Variants in PIGG observed in about 807,000 individuals in gnomAD.
PIGG encodes the protein phosphatidylinositol glycan anchor biosynthesis class G (EMM blood group).
A neutral mutation model predicts 83.2 loss-of-function variants in PIGG; 70 were observed. That is an observed-to-expected ratio of 0.84 (90% CI 0.69 to 1.03). The LOEUF (loss-of-function observed/expected upper bound fraction) is 1.03. PIGG is among the 50% of genes least tolerant of loss of function. PIGG has a pLI of 0.00. For synonymous variants in PIGG, 532 were observed against 519.5 expected, an observed-to-expected ratio of 1.02 and a Z score of -0.33; for missense variants, 1,257 against 1,233.6, an observed-to-expected ratio of 1.02 and a Z score of -0.28.
At chr4:506,631 C>T (rs1719808153) in intron 3 of PIGG, 1 of 370,972 alleles carries the variant, frequency 2.7e-6, no homozygotes. Context: ...CTGAGAAACA[C>T]TTCTCTTCAT....
chr4:515,079 G>A lies in PIGG; in HGVS notation c.902-894G>A, dbSNP rs537222781. Among the ~76,000 whole-genome samples the A allele has an allele frequency of 4.6e-5, 7 of 152,178 alleles. No homozygotes were observed. The highest frequency in any genetic ancestry group is 6.5e-5 in the Admixed American group (1 of 15,278). On this transcript the variant is annotated intron_variant, in intron 5 of 12. Coordinates refer to ENST00000453061, the MANE Select transcript of PIGG (RefSeq NM_001127178.3). The surrounding 1 kb of genome is among the most constrained non-coding windows in gnomAD (Gnocchi z 4.2). ...ATAAATTTGACCAAATTAAAAACTC[G>A]CTACAAAAAACTTACCACAATCAAA...
At chr4:519,497 C>G (rs570179481) in intron 6 of PIGG, among the ~76,000 whole-genome samples, 39 of 152,346 alleles carry the variant, frequency 2.6e-4, no homozygotes, top group African/African-American at 9.1e-4. Flanking sequence ...GCCTGAGTTT[C>G]ATTTGCAGCT....
At chr4:519,767 T>C (rs528066025) in intron 6 of PIGG, among the ~76,000 whole-genome samples, 1,183 of 107,774 alleles carry the variant, frequency 0.011, 29 homozygotes, top group African/African-American at 0.042. Context: ...TGCAGGCGTG[T>C]GGGTTCACGC....
intron 12 of PIGG, among the ~76,000 whole-genome samples, chr4:538,692 C>G (rs534466625): frequency 8.5e-5 from 13 of 152,178 alleles, no homozygotes; most frequent in Non-Finnish European, 1.9e-4. Context: ...CTCTGCCCAC[C>G]CCAGACCAAC....
intron 2 of PIGG, chr4:501,208 C>A (rs1272435705): frequency 2.2e-6 from 1 of 453,428 alleles, no homozygotes; most frequent in South Asian, 1.6e-5. Flanking sequence ...TTTTGAGCAA[C>A]GACTATGTGG....
At chr4:512,318 C>G (rs182235492) in intron 5 of PIGG, among the ~76,000 whole-genome samples, 1,922 of 148,712 alleles carry the variant, frequency 0.013, 169 homozygotes, top group Admixed American at 0.12. Context: ...CTCCCGGGTT[C>G]AAGCTATTCT....
intron 5 of PIGG, among the ~76,000 whole-genome samples, chr4:514,443 C>T (rs1164190563): frequency 2.0e-5 from 3 of 152,150 alleles, no homozygotes; most frequent in Non-Finnish European, 2.9e-5. Flanking sequence ...CTGTAGGTCC[C>T]CAGCCCCAAA....
Position 505,700 on chromosome 4 carries a change from TG to T in PIGG, c.361-17del. On this transcript the variant is annotated splice_polypyrimidine_tract_variant and intron_variant, in intron 2 of 12. Transcript: ENST00000453061. ...GTTTTGGATTCAGTGGCCTAATTCT[TG>T]CATTTTCTGACTGCAGGCATTGATG... 6.2e-7 allele frequency: 1 copy of T among 1,603,424 alleles called. No individual in the cohort carries two copies. Among genetic ancestry groups the T allele is most frequent in the Non-Finnish European group, 8.5e-7 (1 of 1,171,660 alleles).
chr4:506,364 A>G (rs1553879256), intron 3 of PIGG, among the ~76,000 whole-genome samples: 1 of 152,140 alleles, frequency 6.6e-6, no homozygotes, highest in Non-Finnish European at 1.5e-5. Flanking sequence ...CAGGTGGCCG[A>G]CTGGGTGGGG....
chr4:537,107 G>A lies in PIGG; in HGVS notation c.2736-2046G>A, dbSNP rs181648684. The A allele has an allele frequency of 1.6e-3, 238 of 152,282 alleles. 1 individual carries two copies. The highest frequency in any genetic ancestry group is 5.5e-3 in the African/African-American group (227 of 41,548). 9.4% of individuals were successfully genotyped at this position (152,282 alleles called of 1,614,324 possible). On this transcript the variant is annotated intron_variant, in intron 12 of 12. Transcript: ENST00000453061. ...AGAAGCATTTCTCCTTCATTTTATA[G>A]GGTTTTCTTCTTCCCTTTTAAAAGT...
intron 11 of PIGG, chr4:530,998 A>C: frequency 2.0e-6 from 1 of 490,632 alleles, no homozygotes; most frequent in East Asian, 3.4e-5. Flanking sequence ...TTTATTTATT[A>C]CAAGCAGTTC....
chr4:526,392 G>C (rs905513931), intron 9 of PIGG, among the ~76,000 whole-genome samples: 1 of 152,250 alleles, frequency 6.6e-6, no homozygotes, highest in African/African-American at 2.4e-5. Flanking sequence ...GGCCAGGACT[G>C]GCTGGTGCTG....
At chr4:521,996 T>C (rs972384843) in intron 8 of PIGG, 55 bp downstream of exon 8, 1 of 1,586,734 alleles carries the variant, frequency 6.3e-7, no homozygotes, top group Non-Finnish European at 8.6e-7. Flanking sequence ...CAGGTTGTTC[T>C]TGTTATTTCA....
chr4:534,324 G>T (rs774856315), intron 12 of PIGG, among the ~76,000 whole-genome samples: 15 of 152,222 alleles, frequency 9.9e-5, no homozygotes, highest in Non-Finnish European at 2.2e-4. Context: ...CTGTTTGCTG[G>T]TGGCCAGATG....
intron 5 of PIGG, among the ~76,000 whole-genome samples, chr4:513,744 A>G (rs1722987174): frequency 6.6e-6 from 1 of 152,158 alleles, no homozygotes; most frequent in African/African-American, 2.4e-5. Flanking sequence ...AACTTCTTTC[A>G]TGGCCCCTTA....
intron 2 of PIGG, chr4:501,930 G>C (rs78818608): frequency 0.02 from 3,011 of 152,326 alleles, 36 homozygotes; most frequent in Middle Eastern, 0.051. Flanking sequence ...AGGGAGGTGA[G>C]AGAGAATGAA....
chr4:521,807 G>A lies in PIGG; in HGVS notation c.1480G>A (p.Ala494Thr). Residue 494 changes from alanine to threonine, a missense_variant, in exon 8 of 13, where the codon GCT becomes ACT. Physicochemically the swap from Ala to Thr is moderately conservative, Grantham distance 58. Transcript: ENST00000453061. Reference sequence around the variant, plus strand: ...CGTTCACGTCATTGTGTGCACCTCAGCTGAAAGTTCGTGCTACTTCTGTGG... The same window carrying A: ...CGTTCACGTCATTGTGTGCACCTCAACTGAAAGTTCGTGCTACTTCTGTGG... ...SAVHVIVCTS[A>T]ESSCYFCGLS... The A allele has an allele frequency of 6.2e-7, 1 of 1,614,224 alleles. No homozygotes were observed. The highest frequency in any genetic ancestry group is 8.5e-7 in the Non-Finnish European group (1 of 1,180,038).
intron 11 of PIGG, chr4:530,955 A>G: frequency 1.8e-6 from 1 of 546,474 alleles, no homozygotes; most frequent in East Asian, 3.0e-5. Context: ...TGCTTAAGAC[A>G]GCAGACTGCT....
At chr4:517,121 G>A (rs1463559771) in intron 6 of PIGG, among the ~76,000 whole-genome samples, 1 of 152,178 alleles carries the variant, frequency 6.6e-6, no homozygotes, top group Non-Finnish European at 1.5e-5. Flanking sequence ...TGTATTCTGA[G>A]TTAAATGGGG....
Sources: gnomAD v4.1 joint callset for allele counts (sites outside exome capture counted in the v4.1 genomes callset) on GRCh38, gnomAD v4.1.1 for gene constraint, Gnocchi (gnomAD v3.1) non-coding constraint, MANE v1.5 for transcripts, NCBI Gene and HGNC (gene_info 2026-07-23, HGNC 2026-07-21) for gene names.